IP6K2: variants seen among roughly 807,000 people sequenced by gnomAD.
IP6K2 encodes inositol hexakisphosphate kinase 2.
IP6K2 carries 9 observed loss-of-function variants against 43.3 expected under a neutral mutation model. The observed-to-expected ratio is 0.21, with a 90% CI of 0.13 to 0.36. IP6K2 has a LOEUF of 0.36. Among genes scored for constraint, IP6K2 ranks in the 10% least tolerant of loss-of-function variants. The pLI, the probability that IP6K2 is intolerant of heterozygous loss-of-function variation, is 1.00. For synonymous variants in IP6K2, 209 were observed against 202.4 expected (o/e 1.03, Z -0.28); for missense variants, 332 against 538.4 (o/e 0.62, Z 3.79).
chr3:48,706,367 T>C (rs1354040540), intron 1 of IP6K2, among the ~76,000 whole-genome samples: 1 of 152,168 alleles, frequency 6.6e-6, no homozygotes, highest in Non-Finnish European at 1.5e-5. Context: ...GGAGGATCTC[T>C]TGAGCCCAGG....
At position 48,688,066 on chromosome 3, in the gene IP6K2, C is replaced by T. The variant is rs1305082201; in HGVS notation, c.*207G>A. 1.7e-6 allele frequency: 1 copy of T among 598,414 alleles called. No homozygotes were observed. Among genetic ancestry groups the T allele is most frequent in the African/African-American group, 1.9e-5 (1 of 53,894 alleles). The allele number at this position is 598,414 out of a possible 1,614,324, so 37.1% of individuals were successfully genotyped here. On this transcript the variant is annotated 3_prime_UTR_variant, in exon 6 of 6. Coordinates refer to ENST00000328631, the MANE Select transcript of IP6K2 (RefSeq NM_016291.4). The surrounding 1 kb of genome is among the most constrained non-coding windows in gnomAD (Gnocchi z 5.1). The stretch of plus-strand genomic sequence containing the variant: ...TCAGGGAAGAAAGAGGTATCATCAT[C>T]AAATGTGGAATGTTGAAGAAATAGT...
chr3:48,689,995 CTT>C (rs997021628), intron 4 of IP6K2, among the ~76,000 whole-genome samples: 6 of 152,204 alleles, frequency 3.9e-5, no homozygotes, highest in Non-Finnish European at 8.8e-5. Context: ...CTTCTGAACT[CTT>C]AGCTAAGTGT....
intron 1 of IP6K2, among the ~76,000 whole-genome samples, chr3:48,712,329 G>A (rs1287709205): frequency 2.0e-5 from 3 of 148,532 alleles, no homozygotes; most frequent in African/African-American, 5.0e-5. Flanking sequence ...TGCAAGCTCC[G>A]CTTCCCAGGT....
At chr3:48,714,378 C>CTT (rs968764698) in intron 1 of IP6K2, among the ~76,000 whole-genome samples, 24 of 150,018 alleles carry the variant, frequency 1.6e-4, no homozygotes, top group South Asian at 1.5e-3. Context: ...TTTCTTTTTC[C>CTT]TTTTTTTTGT....
chr3:48,695,549 T>A lies in IP6K2; in HGVS notation c.-130-128A>T, dbSNP rs549428137. Reference sequence around the variant, plus strand: ...CTGAGTTCTTGCGGGACTCCGCCCATGCCACCCACCTTGGCCCCCGCCTTC... The same window carrying A: ...CTGAGTTCTTGCGGGACTCCGCCCAAGCCACCCACCTTGGCCCCCGCCTTC... On this transcript the variant is annotated intron_variant, in intron 1 of 5. Transcript: ENST00000328631. This position sits in a 1 kb window ranked among gnomAD's most constrained non-coding sequence, Gnocchi z 4.6. 1.6e-4 allele frequency: 193 copies of A among 1,219,100 alleles called. No homozygotes were observed. The highest frequency in any genetic ancestry group is 4.1e-4 in the Admixed American group (11 of 26,866). 75.5% of individuals were successfully genotyped at this position (1,219,100 alleles called of 1,614,324 possible). A position where few individuals can be genotyped will look rare whatever the true frequency, so the allele number is the denominator to read the frequency against.
chr3:48,695,311 G>A lies in IP6K2; in HGVS notation c.-20C>T. 1 of 1,597,286 alleles carries A rather than the reference G, an allele frequency of 6.3e-7. No homozygotes were observed. ...GCTCATCCTCCGGGCGCAGATGGCG[G>A]GGAGATGGGGGAGGCAGCGGAGTCC... On this transcript the variant is annotated 5_prime_UTR_variant, in exon 2 of 6. Coordinates refer to ENST00000328631, the MANE Select transcript of IP6K2 (RefSeq NM_016291.4). The surrounding 1 kb of genome is among the most constrained non-coding windows in gnomAD (Gnocchi z 4.6).
At chr3:48,690,546 T>C (rs1408864829) in intron 4 of IP6K2, among the ~76,000 whole-genome samples, 1 of 151,978 alleles carries the variant, frequency 6.6e-6, no homozygotes. Context: ...TCCCAGCACT[T>C]TGGGAGGCCA....
In IP6K2 at chr3:48,695,460, A is replaced by G. The variant is rs909382854; in HGVS notation, c.-130-39T>C. 5.7e-6 allele frequency: 8 copies of G among 1,400,028 alleles called. No homozygotes were observed. Among genetic ancestry groups the G allele is most frequent in the African/African-American group, 2.9e-5 (2 of 69,462 alleles). The allele number at this position is 1,400,028 out of a possible 1,614,324, so 86.7% of individuals were successfully genotyped here. On this transcript the variant is annotated intron_variant, in intron 1 of 5. Transcript: ENST00000328631. This position sits in a 1 kb window ranked among gnomAD's most constrained non-coding sequence, Gnocchi z 4.6. ...AAATGATGACATGGGGGTTCGAAGTAGCGTGGGAAGTGCCTTAGAGCTGCT... is the reference window on the plus strand; with the variant it reads ...AAATGATGACATGGGGGTTCGAAGTGGCGTGGGAAGTGCCTTAGAGCTGCT...
chr3:48,696,284 C>T (rs1401173916), intron 1 of IP6K2, among the ~76,000 whole-genome samples: 1 of 152,126 alleles, frequency 6.6e-6, no homozygotes, highest in East Asian at 1.9e-4. Flanking sequence ...TGTCTACCCA[C>T]ACTGCTCCTG....
chr3:48,711,108 G>A (rs1000036948), intron 1 of IP6K2, among the ~76,000 whole-genome samples: 2 of 151,942 alleles, frequency 1.3e-5, no homozygotes, highest in African/African-American at 4.8e-5. Context: ...ACAAGGTTTC[G>A]CCACGTTGCC....
chr3:48,694,783 CCCCCCAGTGGGG>C, intron 2 of IP6K2: 1 of 1,533,118 alleles, frequency 6.5e-7, no homozygotes, highest in South Asian at 1.2e-5. Context: ...CCCCCACCGT[CCCCCCAGTGGGG>C]GACTATGGGT....
rs2077516158 is a variant in IP6K2 at position 48,688,532 on chromosome 3, G to C, written c.1022C>G (p.Pro341Arg). 6.2e-7 allele frequency: 1 copy of C among 1,614,080 alleles called. No homozygotes were observed. Among genetic ancestry groups the C allele is most frequent in the Admixed American group, 1.7e-5 (1 of 60,008 alleles). The change falls in exon 6 of 6, where the codon CCC becomes CGC. Residue 341 changes from proline (P) to arginine (R), a missense_variant. By Grantham distance (103) the Pro-to-Arg change is moderately radical (BLOSUM62 -2). Transcript: ENST00000328631. This position sits in a 1 kb window ranked among gnomAD's most constrained non-coding sequence, Gnocchi z 5.1. ...AGCATCTGAGTCCAGGACCACTTCGGGCCGCTCCTTGCCATCATAAATGAC... is the reference window on the plus strand; with the variant it reads ...AGCATCTGAGTCCAGGACCACTTCGCGCCGCTCCTTGCCATCATAAATGAC... ...LLVIYDGKER[P>R]EVVLDSDAED...
intron 3 of IP6K2, among the ~76,000 whole-genome samples, 163 bp downstream of exon 3, chr3:48,692,787 CAATT>C (rs1385305807): frequency 6.6e-6 from 1 of 152,216 alleles, no homozygotes; most frequent in African/African-American, 2.4e-5. Flanking sequence ...TAACCAGAGT[CAATT>C]AAACAAAGAG....
intron 1 of IP6K2, among the ~76,000 whole-genome samples, chr3:48,710,594 T>G (rs145430556): frequency 2.0e-5 from 3 of 152,254 alleles, no homozygotes; most frequent in Non-Finnish European, 4.4e-5. Flanking sequence ...GCCCCAGTCC[T>G]GCTGTTCATG....
At chr3:48,693,440 A>G (rs2077978372) in intron 2 of IP6K2, 8 of 1,396,692 alleles carry the variant, frequency 5.7e-6, no homozygotes, top group Non-Finnish European at 7.6e-6. Flanking sequence ...AAAGAATTAC[A>G]AGACACATTT....
In IP6K2 at chr3:48,694,873, A is replaced by G. The variant is rs897116518; in HGVS notation, c.202+217T>C. On this transcript the variant is annotated intron_variant, in intron 2 of 5. Coordinates refer to ENST00000328631, the MANE Select transcript of IP6K2 (RefSeq NM_016291.4). Reference sequence around the variant, plus strand: ...TTCTACCAAAATCAAACTCAAATCCACACAACAAAACAGAATTGAGCAATC... The same window carrying G: ...TTCTACCAAAATCAAACTCAAATCCGCACAACAAAACAGAATTGAGCAATC... The G allele has an allele frequency of 3.3e-6, 5 of 1,538,238 alleles. No homozygotes were observed. The African/African-American group carries it at 5.5e-5, about 17-fold the overall frequency.
chr3:48,698,425 A>G (rs1046348196), intron 1 of IP6K2, among the ~76,000 whole-genome samples: 4 of 152,146 alleles, frequency 2.6e-5, no homozygotes, highest in African/African-American at 9.7e-5. Flanking sequence ...GTAGGAGATC[A>G]CTTGAGACTA....
chr3:48,701,750 T>G (rs1311484951), intron 1 of IP6K2, among the ~76,000 whole-genome samples: 1 of 151,550 alleles, frequency 6.6e-6, no homozygotes, highest in East Asian at 1.9e-4. Flanking sequence ...TACAAAAAAT[T>G]AGCTAGGCGT....
intron 1 of IP6K2, among the ~76,000 whole-genome samples, chr3:48,698,948 C>A (rs1291425957): frequency 1.3e-5 from 2 of 152,066 alleles, no homozygotes; most frequent in Admixed American, 6.5e-5. Context: ...TTTGCTATCA[C>A]AGCAATGCTA....
Sources: gnomAD v4.1 joint callset for allele counts (sites outside exome capture counted in the v4.1 genomes callset) on GRCh38, gnomAD v4.1.1 for gene constraint, Gnocchi (gnomAD v3.1) non-coding constraint, MANE v1.5 for transcripts, NCBI Gene and HGNC (gene_info 2026-07-23, HGNC 2026-07-21) for gene names.